The following CHODL variants were observed in gnomAD, a reference collection of about 807,000 sequenced individuals.
CHODL encodes chondrolectin.
Under a neutral mutation model 34.5 loss-of-function variants are expected in CHODL, and 29 were observed. The observed-to-expected ratio is 0.84, with a 90% CI of 0.63 to 1.15. The LOEUF (loss-of-function observed/expected upper bound fraction) is 1.15. Ranked by LOEUF, CHODL falls within the 50% of genes most tolerant of loss-of-function variation. The probability of loss-of-function intolerance (pLI) is 0.00; values close to 1 mark genes in which losing one functional copy is unlikely to be tolerated. For synonymous variants in CHODL, 125 were observed against 116.1 expected (o/e 1.08, Z -0.49); for missense variants, 332 against 332.5 (o/e 1.00, Z 0.01).
At chr21:18,015,384 C>G (rs2064062761) in intron 1 of CHODL, among the ~76,000 whole-genome samples, 1 of 152,158 alleles carries the variant, frequency 6.6e-6, no homozygotes, top group African/African-American at 2.4e-5. Flanking sequence ...TTTTCTGAGG[C>G]CTCCCCAGCC....
chr21:17,967,872 G>A lies in CHODL; in HGVS notation c.-145+50472G>A, dbSNP rs369723085. Reference sequence around the variant, plus strand: ...ACAATATCCCTTTCCTTAAAGGGCAGAATCATGTCAGGACCAATGCCTACC... The same window carrying A: ...ACAATATCCCTTTCCTTAAAGGGCAAAATCATGTCAGGACCAATGCCTACC... On this transcript the variant is annotated intron_variant, in intron 1 of 6. Coordinates refer to the CHODL transcript ENST00000400127. Among the ~76,000 whole-genome samples, 54 of 152,270 alleles carry A rather than the reference G, an allele frequency of 3.5e-4. 1 individual carries two copies. The South Asian group carries it at 0.011, about 30-fold the overall frequency.
chr21:18,218,155 G>A (rs899204771), intron 2 of CHODL, among the ~76,000 whole-genome samples: 2 of 152,220 alleles, frequency 1.3e-5, no homozygotes, highest in African/African-American at 4.8e-5. Context: ...CCCCAGTGGG[G>A]ACTCTGTATG....
intron 1 of CHODL, among the ~76,000 whole-genome samples, chr21:17,976,770 C>A (rs1441971882): frequency 6.6e-6 from 1 of 151,890 alleles, no homozygotes; most frequent in Non-Finnish European, 1.5e-5. Context: ...AAGATAATTT[C>A]AAATTTTATT....
chr21:18,087,100 C>G (rs1368653066), intron 2 of CHODL, among the ~76,000 whole-genome samples: 2 of 152,146 alleles, frequency 1.3e-5, no homozygotes, highest in Non-Finnish European at 2.9e-5. Context: ...CTGTCGATCC[C>G]CCAGCTGGGT....
chr21:18,005,080 T>C (rs764489625), intron 1 of CHODL, among the ~76,000 whole-genome samples: 6 of 152,194 alleles, frequency 3.9e-5, no homozygotes, highest in African/African-American at 9.7e-5. Context: ...AATACAGGTG[T>C]GTACGCCATT....
At chr21:18,115,277 T>C (rs2065398721) in intron 2 of CHODL, among the ~76,000 whole-genome samples, 1 of 152,128 alleles carries the variant, frequency 6.6e-6, no homozygotes, top group African/African-American at 2.4e-5. Context: ...ATAATCAGGA[T>C]CCTGTCTGAC....
chr21:18,031,647 G>T (rs2064249476), intron 2 of CHODL, among the ~76,000 whole-genome samples: 1 of 152,050 alleles, frequency 6.6e-6, no homozygotes, highest in African/African-American at 2.4e-5. Context: ...CTGGTTCCTT[G>T]GTTGCAGTGG....
At chr21:17,984,421 C>A (rs868324785) in intron 1 of CHODL, among the ~76,000 whole-genome samples, 29 of 152,150 alleles carry the variant, frequency 1.9e-4, no homozygotes, top group African/African-American at 6.0e-4. Flanking sequence ...GGCAGTTCTA[C>A]TTCTAATTTT....
At chr21:18,236,786 A>G (rs1456032711) in intron 2 of CHODL, among the ~76,000 whole-genome samples, 2 of 152,160 alleles carry the variant, frequency 1.3e-5, no homozygotes, top group Non-Finnish European at 2.9e-5. Context: ...ACTTATATTT[A>G]TAAGATATCC....
chr21:18,073,419 G>C (rs1006782740), intron 2 of CHODL, among the ~76,000 whole-genome samples: 5 of 152,034 alleles, frequency 3.3e-5, no homozygotes, highest in Non-Finnish European at 5.9e-5. Context: ...TGAGTGATTA[G>C]CTTTAATCAT....
At position 18,020,095 on chromosome 21, in the gene CHODL, G is replaced by C. The variant is rs537313052; in HGVS notation, c.-144-7777G>C. ...AAGGATGATAGTGAATAATTACAAA[G>C]AATTACATGATATGAAGCAAATGGA... On this transcript the variant is annotated intron_variant, in intron 1 of 6. Transcript: ENST00000400127. Among the ~76,000 whole-genome samples the C allele has an allele frequency of 1.4e-4, 21 of 152,056 alleles. 1 individual carries two copies. The highest frequency in any genetic ancestry group is 2.9e-4 in the Non-Finnish European group (20 of 68,012).
intron 2 of CHODL, among the ~76,000 whole-genome samples, chr21:18,032,517 C>T (rs1373709971): frequency 6.6e-6 from 1 of 151,930 alleles, no homozygotes; most frequent in Non-Finnish European, 1.5e-5. Flanking sequence ...GGAATTGATT[C>T]CTACCCCTTT....
At chr21:17,990,210 A>T (rs560751546) in intron 1 of CHODL, among the ~76,000 whole-genome samples, 1 of 152,090 alleles carries the variant, frequency 6.6e-6, no homozygotes, top group Admixed American at 6.5e-5. Context: ...ATATAAAATA[A>T]TGTTCTATCT....
intron 2 of CHODL, among the ~76,000 whole-genome samples, chr21:18,036,960 T>C (rs1261794397): frequency 6.6e-6 from 1 of 151,986 alleles, no homozygotes; most frequent in African/African-American, 2.4e-5. Flanking sequence ...CCTATTTTAA[T>C]ATCTAAAACC....
intron 2 of CHODL, among the ~76,000 whole-genome samples, chr21:18,081,811 A>G (rs561640243): frequency 1.3e-5 from 2 of 152,038 alleles, no homozygotes; most frequent in African/African-American, 4.8e-5. Context: ...TGCCTTTTTT[A>G]CATTGAGATA....
chr21:18,101,319 A>C lies in CHODL; in HGVS notation c.-45+73348A>C, dbSNP rs537309736. Among the ~76,000 whole-genome samples the C allele has an allele frequency of 2.0e-5, 3 of 152,210 alleles. No individual in the cohort carries two copies. In the East Asian group the frequency reaches 5.8e-4, roughly 29 times the overall value. ...GTCCAATAAACGTCTTTCTTTTGTA[A>C]ATTTCCTGGTCTCGAGTTTGTCTTT... On this transcript the variant is annotated intron_variant, in intron 2 of 6. Transcript: ENST00000400127.
chr21:18,066,982 G>A (rs2064740053), intron 2 of CHODL, among the ~76,000 whole-genome samples: 1 of 152,122 alleles, frequency 6.6e-6, no homozygotes, highest in Admixed American at 6.5e-5. Flanking sequence ...AGAACTATGA[G>A]AAAATAAACT....
chr21:18,086,370 C>T (rs1001115111), intron 2 of CHODL, among the ~76,000 whole-genome samples: 11 of 152,078 alleles, frequency 7.2e-5, no homozygotes, highest in South Asian at 2.1e-4. Context: ...TCTTTTTAAA[C>T]GGAATATGTT....
intron 1 of CHODL, among the ~76,000 whole-genome samples, chr21:18,019,078 A>T (rs1179498970): frequency 6.6e-6 from 1 of 152,230 alleles, no homozygotes; most frequent in African/African-American, 2.4e-5. Flanking sequence ...GATAAAAATG[A>T]TTATTTGTAG....
Sources: allele counts gnomAD v4.1 joint callset (sites outside exome capture counted in the v4.1 genomes callset), GRCh38; gene constraint gnomAD v4.1.1; transcripts MANE v1.5; gene names NCBI Gene and HGNC (gene_info 2026-07-23, HGNC 2026-07-21).